Variants in GNAT3 observed in about 807,000 individuals in gnomAD.
GNAT3 encodes G protein subunit alpha transducin 3, also known as guanine nucleotide-binding protein G(t) subunit alpha-3.
A neutral mutation model predicts 37.7 loss-of-function variants in GNAT3; 31 were observed. That is an observed-to-expected ratio of 0.82 (90% CI 0.62 to 1.11). The LOEUF is 1.11. GNAT3 is among the 50% of genes most tolerant of loss of function. GNAT3 has a pLI of 0.00. For synonymous variants in GNAT3, 138 were observed against 139.8 expected (o/e 0.99, Z 0.09); for missense variants, 437 against 412.5 (o/e 1.06, Z -0.51).
chr7:80,476,336 T>C (rs1481212415), intron 4 of GNAT3, among the ~76,000 whole-genome samples: 2 of 150,784 alleles, frequency 1.3e-5, no homozygotes, highest in Admixed American at 6.7e-5. Context: ...ATGAATCTAA[T>C]CATTTAAAAG....
chr7:80,510,242 T>C (rs1479942165), intron 1 of GNAT3, among the ~76,000 whole-genome samples: 1 of 152,182 alleles, frequency 6.6e-6, no homozygotes, highest in Non-Finnish European at 1.5e-5. Context: ...TCAAGAGTCA[T>C]TGCTTTTGGC....
chr7:80,468,528 T>G (rs1370257670), intron 5 of GNAT3, among the ~76,000 whole-genome samples: 2 of 152,058 alleles, frequency 1.3e-5, no homozygotes, highest in African/African-American at 2.4e-5. Flanking sequence ...TGAATGGGAT[T>G]TATTCAAGAT....
At chr7:80,480,295 T>C (rs987469069) in intron 3 of GNAT3, among the ~76,000 whole-genome samples, 1 of 152,170 alleles carries the variant, frequency 6.6e-6, no homozygotes, top group Non-Finnish European at 1.5e-5. Flanking sequence ...AACCATGAGA[T>C]AGACACTATA....
At chr7:80,502,700 T>A (rs1790858202) in intron 1 of GNAT3, among the ~76,000 whole-genome samples, 1 of 151,594 alleles carries the variant, frequency 6.6e-6, no homozygotes, top group African/African-American at 2.4e-5. Context: ...ATCCATTTGG[T>A]CCTGCTAAAA....
chr7:80,506,707 A>G (rs1231186595), intron 1 of GNAT3, among the ~76,000 whole-genome samples: 1 of 152,178 alleles, frequency 6.6e-6, no homozygotes, highest in East Asian at 1.9e-4. Context: ...CATCCCAAAG[A>G]TTGGATACCT....
chr7:80,491,529 A>G (rs1166675986), intron 2 of GNAT3, among the ~76,000 whole-genome samples: 1 of 152,166 alleles, frequency 6.6e-6, no homozygotes, highest in Non-Finnish European at 1.5e-5. Flanking sequence ...TACAGTAGAG[A>G]CACTAACATT....
chr7:80,487,041 C>T (rs1315727161), intron 3 of GNAT3, among the ~76,000 whole-genome samples: 7 of 152,064 alleles, frequency 4.6e-5, no homozygotes, highest in African/African-American at 1.7e-4. Context: ...CCTTGAATAG[C>T]AAAAAGCACT....
chr7:80,462,265 G>A lies in GNAT3; in HGVS notation c.768C>T (p.His256=). The change falls in exon 7 of 8, where the codon CAC becomes CAT. Residue 256 remains histidine (H), a synonymous_variant. Transcript: ENST00000398291. The part of the protein sequence containing the change: ...SLHLFNSICN[H]KYFSTTSIVL... Reference sequence around the variant, plus strand: ...CAATGGAGGTTGTTGAAAAATACTTGTGATTACAGATACTGTTGAACAGGT... The same window carrying A: ...CAATGGAGGTTGTTGAAAAATACTTATGATTACAGATACTGTTGAACAGGT... The A allele has an allele frequency of 6.2e-7, 1 of 1,612,536 alleles. No individual in the cohort carries two copies. The highest frequency in any genetic ancestry group is 8.5e-7 in the Non-Finnish European group (1 of 1,178,850).
intron 7 of GNAT3, among the ~76,000 whole-genome samples, chr7:80,461,457 G>T (rs1790049201): frequency 6.6e-6 from 1 of 152,026 alleles, no homozygotes; most frequent in Non-Finnish European, 1.5e-5. Context: ...GCTGAAGCAG[G>T]GGAATCATTT....
At chr7:80,497,671 C>CACATACGTAT (rs1790758297) in intron 1 of GNAT3, among the ~76,000 whole-genome samples, 1 of 91,138 alleles carries the variant, frequency 1.1e-5, no homozygotes, top group African/African-American at 1.1e-4. Context: ...TACGTATATA[C>CACATACGTAT]ATACATATAT....
chr7:80,475,894 G>T (rs1298342429), intron 4 of GNAT3, among the ~76,000 whole-genome samples: 1 of 151,966 alleles, frequency 6.6e-6, no homozygotes, highest in Non-Finnish European at 1.5e-5. Flanking sequence ...TTCTAAAAAA[G>T]CTTAAGTTTT....
In GNAT3 at chr7:80,511,959, T is replaced by A; in HGVS notation, c.-33A>T. The A allele has an allele frequency of 6.8e-7, 1 of 1,463,310 alleles. No individual in the cohort carries two copies. Among genetic ancestry groups the A allele is most frequent in the Non-Finnish European group, 9.5e-7 (1 of 1,052,478 alleles). The allele number at this position is 1,463,310 out of a possible 1,614,324, so 90.6% of individuals were successfully genotyped here. ...TGGTAGATACTTGTCAGTTTATATG[T>A]TCAGATTTTTCAAATGTTGAGCACA... On this transcript the variant is annotated 5_prime_UTR_variant, in exon 1 of 8. Transcript: ENST00000398291.
intron 4 of GNAT3, among the ~76,000 whole-genome samples, chr7:80,478,427 A>G (rs188235893): frequency 2.0e-5 from 3 of 152,304 alleles, no homozygotes; most frequent in Admixed American, 6.5e-5. Flanking sequence ...CAACCCAATG[A>G]GCCAAGGCAT....
intron 4 of GNAT3, among the ~76,000 whole-genome samples, chr7:80,477,566 T>A (rs1359262293): frequency 6.6e-6 from 1 of 152,044 alleles, no homozygotes; most frequent in Non-Finnish European, 1.5e-5. Context: ...TTACAGAAAA[T>A]TTTTTCTCTA....
intron 1 of GNAT3, among the ~76,000 whole-genome samples, chr7:80,508,489 ATTTG>A (rs1263830461): frequency 6.6e-6 from 1 of 152,018 alleles, no homozygotes; most frequent in Non-Finnish European, 1.5e-5. Flanking sequence ...ATCCGTTAGA[ATTTG>A]TTTTTCTTAT....
At chr7:80,495,444 C>G (rs1326468135) in intron 1 of GNAT3, among the ~76,000 whole-genome samples, 1 of 150,838 alleles carries the variant, frequency 6.6e-6, no homozygotes, top group Admixed American at 6.6e-5. Flanking sequence ...AAGGTGGTCT[C>G]TCACTGTAGT....
At chr7:80,462,461 G>A in intron 6 of GNAT3, 41 bp downstream of exon 6, 1 of 1,604,780 alleles carries the variant, frequency 6.2e-7, no homozygotes, top group Non-Finnish European at 8.5e-7. Context: ...AAAGCACAAA[G>A]ATTACTTTTA....
chr7:80,491,270 G>A (rs1023095353), intron 2 of GNAT3, among the ~76,000 whole-genome samples: 8 of 152,146 alleles, frequency 5.3e-5, no homozygotes, highest in South Asian at 4.1e-4. Context: ...GTAGGCTGGC[G>A]TTGTTGTAAT....
At chr7:80,494,533 A>G in intron 2 of GNAT3, 72 bp downstream of exon 2, 4 of 800,068 alleles carry the variant, frequency 5.0e-6, no homozygotes, top group Non-Finnish European at 4.1e-6. Context: ...TTACAAAAGC[A>G]TGTATTTTAA....
Sources: allele counts gnomAD v4.1 joint callset (sites outside exome capture counted in the v4.1 genomes callset), GRCh38; gene constraint gnomAD v4.1.1; transcripts MANE v1.5; gene names NCBI Gene and HGNC (gene_info 2026-07-23, HGNC 2026-07-21).